The following EMILIN2 variants were observed in gnomAD, a reference collection of about 807,000 sequenced individuals.
EMILIN2 encodes the protein EMILIN-2.
A neutral mutation model predicts 87.1 loss-of-function variants in EMILIN2; 71 were observed. The observed-to-expected ratio is 0.82, with a 90% confidence interval of 0.67 to 0.99. The LOEUF is 0.99. Among genes scored for constraint, EMILIN2 ranks in the 50% least tolerant of loss-of-function variants. The probability of loss-of-function intolerance (pLI) is 0.00; values close to 1 mark genes in which losing one functional copy is unlikely to be tolerated. For missense variants in EMILIN2, 1,407 were observed against 1,371.8 expected (o/e 1.03, Z -0.40); for synonymous variants, 581 against 563.4 (o/e 1.03, Z -0.44).
intron 2 of EMILIN2, among the ~76,000 whole-genome samples, chr18:2,871,269 G>A (rs1418668028): frequency 6.6e-6 from 1 of 152,130 alleles, no homozygotes; most frequent in African/African-American, 2.4e-5. Context: ...GGAGGATGGG[G>A]TCTTGCTATG....
intron 3 of EMILIN2, among the ~76,000 whole-genome samples, chr18:2,888,731 AG>A (rs1568472645): frequency 8.5e-5 from 12 of 140,900 alleles, no homozygotes; most frequent in South Asian, 6.8e-4. Context: ...AAAAAAAAAA[AG>A]AGAGAGAGAG....
At position 2,880,897 on chromosome 18, in the gene EMILIN2, C is replaced by T. The variant is rs931349883; in HGVS notation, c.258-4067C>T. Among the ~76,000 whole-genome samples, 6 of 152,162 alleles carry T rather than the reference C, an allele frequency of 3.9e-5. No individual in the cohort carries two copies. Among genetic ancestry groups the T allele is most frequent in the Non-Finnish European group, 7.4e-5 (5 of 68,020 alleles). On this transcript the variant is annotated intron_variant, in intron 2 of 7. Coordinates refer to ENST00000254528, the MANE Select transcript of EMILIN2 (RefSeq NM_032048.3). The surrounding 1 kb of genome is among the most constrained non-coding windows in gnomAD (Gnocchi z 4.1). Reference sequence around the variant, plus strand: ...CGACTTGGGGACTTTTAGAAAGGTACGAGCACCCTCCACCAATTAAGGTAT... The same window carrying T: ...CGACTTGGGGACTTTTAGAAAGGTATGAGCACCCTCCACCAATTAAGGTAT...
chr18:2,899,667 A>G (rs1325053695), intron 4 of EMILIN2, among the ~76,000 whole-genome samples: 1 of 151,632 alleles, frequency 6.6e-6, no homozygotes, highest in East Asian at 1.9e-4. Context: ...ACCACGACCC[A>G]CTAATTTTGT....
chr18:2,882,557 C>A (rs1301523845), intron 2 of EMILIN2, among the ~76,000 whole-genome samples: 1 of 152,136 alleles, frequency 6.6e-6, no homozygotes, highest in Non-Finnish European at 1.5e-5. Flanking sequence ...CCAGCCTGGG[C>A]AACATAGTGA....
chr18:2,887,011 C>T (rs1198458059), intron 3 of EMILIN2, among the ~76,000 whole-genome samples: 1 of 152,182 alleles, frequency 6.6e-6, no homozygotes, highest in Non-Finnish European at 1.5e-5. Flanking sequence ...TCTTTCTTGG[C>T]TTAGCCCCTT....
rs1019947538 is a variant in EMILIN2 at position 2,915,220 on chromosome 18, C to G, written c.*1816C>G. The G allele has an allele frequency of 2.0e-5, 3 of 152,298 alleles. No homozygotes were observed. Among genetic ancestry groups the G allele is most frequent in the African/African-American group, 7.2e-5 (3 of 41,468 alleles). 9.4% of individuals were successfully genotyped at this position (152,298 alleles called of 1,614,324 possible). A position where few individuals can be genotyped will look rare whatever the true frequency, so the allele number is the denominator to read the frequency against. ...CTCTCAGTGCATCTCTACTCACCAA[C>G]AATGGTGAATCTCAGCTCTGTGTAT... is the stretch of plus-strand genomic sequence containing the variant. On this transcript the variant is annotated 3_prime_UTR_variant, in exon 8 of 8. Transcript: ENST00000254528.
intron 4 of EMILIN2, among the ~76,000 whole-genome samples, chr18:2,905,118 C>T (rs1001649229): frequency 1.3e-5 from 2 of 152,122 alleles, no homozygotes; most frequent in Non-Finnish European, 2.9e-5. Flanking sequence ...TATTGTATGG[C>T]GTGAACTAAC....
Position 2,890,940 on chromosome 18 carries a change from T to C in EMILIN2, c.813T>C (p.Asp271=), listed in dbSNP as rs749820418. 8.1e-6 allele frequency: 13 copies of C among 1,613,936 alleles called. No individual in the cohort carries two copies. The East Asian group carries it at 2.9e-4, about 36-fold the overall frequency. Residue 271 remains aspartate (D), a synonymous_variant, in exon 4 of 8, where the codon GAT becomes GAC. Coordinates refer to ENST00000254528, the MANE Select transcript of EMILIN2 (RefSeq NM_032048.3). This position sits in a 1 kb window ranked among gnomAD's most constrained non-coding sequence, Gnocchi z 4.7. The part of the protein sequence containing the change: ...DIKSELAEVK[D]TLKNKSDKLE... ...AGTCTGAATTGGCTGAAGTCAAAGATACTCTAAAGAACAAAAGTGACAAGC... is the reference window on the plus strand; with the variant it reads ...AGTCTGAATTGGCTGAAGTCAAAGACACTCTAAAGAACAAAAGTGACAAGC...
At chr18:2,878,542 A>G (rs535335770) in intron 2 of EMILIN2, among the ~76,000 whole-genome samples, 1 of 152,202 alleles carries the variant, frequency 6.6e-6, no homozygotes, top group South Asian at 2.1e-4. Context: ...GTATTTTACC[A>G]AAACTTGAAA....
At chr18:2,869,111 C>T (rs893007091) in intron 2 of EMILIN2, among the ~76,000 whole-genome samples, 3 of 152,098 alleles carry the variant, frequency 2.0e-5, no homozygotes, top group Non-Finnish European at 2.9e-5. Flanking sequence ...AAAAAACCAA[C>T]TCTAGTTAAA....
Position 2,847,156 on chromosome 18 carries a change from C to T in EMILIN2, c.-33C>T, listed in dbSNP as rs2076578597. 4 of 1,071,092 alleles carry T rather than the reference C, an allele frequency of 3.7e-6. No homozygotes were observed. Among genetic ancestry groups the T allele is most frequent in the Non-Finnish European group, 4.5e-6 (4 of 889,222 alleles). 66.3% of individuals were successfully genotyped at this position (1,071,092 alleles called of 1,614,324 possible). On this transcript the variant is annotated 5_prime_UTR_variant, in exon 1 of 8. Coordinates refer to ENST00000254528, the MANE Select transcript of EMILIN2 (RefSeq NM_032048.3). The surrounding 1 kb of genome is among the most constrained non-coding windows in gnomAD (Gnocchi z 4.5). Reference sequence around the variant, plus strand: ...TGCCCCGATCCGCCGCGCTCCGGACCCGGGCAGGCGGGGCGCGCCCGCTGC... The same window carrying T: ...TGCCCCGATCCGCCGCGCTCCGGACTCGGGCAGGCGGGGCGCGCCCGCTGC...
intron 4 of EMILIN2, among the ~76,000 whole-genome samples, chr18:2,905,584 CTCTG>C (rs1226589947): frequency 6.6e-6 from 1 of 151,850 alleles, no homozygotes; most frequent in Non-Finnish European, 1.5e-5. Flanking sequence ...ATCTTATTAA[CTCTG>C]TCTAACTATA....
intron 4 of EMILIN2, among the ~76,000 whole-genome samples, chr18:2,899,126 G>C (rs751500567): frequency 2.0e-5 from 3 of 152,140 alleles, no homozygotes; most frequent in Middle Eastern, 3.2e-3. Context: ...TCAGGAGATC[G>C]CTGCTCAGCA....
At chr18:2,877,900 G>A (rs1266398862) in intron 2 of EMILIN2, among the ~76,000 whole-genome samples, 1 of 152,182 alleles carries the variant, frequency 6.6e-6, no homozygotes, top group South Asian at 2.1e-4. Flanking sequence ...GACACACTGT[G>A]ACCTGGATGA....
chr18:2,874,396 G>A (rs1056834154), intron 2 of EMILIN2, among the ~76,000 whole-genome samples: 5 of 152,142 alleles, frequency 3.3e-5, no homozygotes, highest in African/African-American at 4.8e-5. Context: ...TCCTGTGTGT[G>A]TGTGTGTACC....
intron 2 of EMILIN2, among the ~76,000 whole-genome samples, chr18:2,868,560 G>A (rs990013420): frequency 2.4e-4 from 37 of 152,398 alleles, no homozygotes; most frequent in African/African-American, 6.2e-4. Flanking sequence ...TCGGGAGGCC[G>A]AGGCTGGCGG....
chr18:2,909,833 C>A lies in EMILIN2; in HGVS notation c.2824+14C>A. On this transcript the variant is annotated intron_variant, in intron 7 of 7. Coordinates refer to ENST00000254528, the MANE Select transcript of EMILIN2 (RefSeq NM_032048.3). Reference sequence around the variant, plus strand: ...ACCCCAGCACCGGTGAGTGTTTGAACGGAACTGGTACTGTGTCCTCCTCCT... The same window carrying A: ...ACCCCAGCACCGGTGAGTGTTTGAAAGGAACTGGTACTGTGTCCTCCTCCT... 1.2e-6 allele frequency: 2 copies of A among 1,612,436 alleles called. No individual in the cohort carries two copies. Among genetic ancestry groups the A allele is most frequent in the Non-Finnish European group, 1.7e-6 (2 of 1,179,378 alleles).
Position 2,847,809 on chromosome 18 carries a change from G to C in EMILIN2, c.135G>C (p.Lys45Asn). 1 of 1,612,986 alleles carries C rather than the reference G, an allele frequency of 6.2e-7. No homozygotes were observed. Among genetic ancestry groups the C allele is most frequent in the African/African-American group, 1.3e-5 (1 of 75,034 alleles). Reference sequence around the variant, plus strand: ...TCTCCCTCTCTCTCCTGCACCCCAGGAACTGGTGCGCCTACATCGTGAACA... The same window carrying C: ...TCTCCCTCTCTCTCCTGCACCCCAGCAACTGGTGCGCCTACATCGTGAACA... ...GYPARPSARN[K>N]NWCAYIVNKN... The change falls in exon 2 of 8, where the codon AAG (lysine) becomes AAC (asparagine). Residue 45 changes from lysine (K) to asparagine (N), a missense_variant and splice_region_variant. Coordinates refer to ENST00000254528, the MANE Select transcript of EMILIN2 (RefSeq NM_032048.3). The surrounding 1 kb of genome is among the most constrained non-coding windows in gnomAD (Gnocchi z 4.5).
intron 2 of EMILIN2, among the ~76,000 whole-genome samples, chr18:2,871,713 G>A (rs945108775): frequency 6.6e-6 from 1 of 152,188 alleles, no homozygotes; most frequent in Admixed American, 6.5e-5. Context: ...GGTTATGGCA[G>A]GATTGCTTTT....
Sources: gnomAD v4.1 joint callset for allele counts (sites outside exome capture counted in the v4.1 genomes callset) on GRCh38, gnomAD v4.1.1 for gene constraint, Gnocchi (gnomAD v3.1) non-coding constraint, MANE v1.5 for transcripts, NCBI Gene and HGNC (gene_info 2026-07-23, HGNC 2026-07-21) for gene names.